ATXN2: variants seen among roughly 807,000 people sequenced by gnomAD.
ATXN2 encodes ataxin-2.
A neutral mutation model predicts 138.6 loss-of-function variants in ATXN2; 37 were observed. That is an observed-to-expected ratio of 0.27 (90% CI 0.21 to 0.35). The LOEUF (loss-of-function observed/expected upper bound fraction) is 0.35. Among genes scored for constraint, ATXN2 ranks in the 10% least tolerant of loss-of-function variants. The pLI is 1.00. For missense variants in ATXN2, 1,216 were observed against 1,480.3 expected (o/e 0.82, Z 2.93); for synonymous variants, 549 against 543.7 (o/e 1.01, Z -0.13).
chr12:111,525,459 G>A, intron 5 of ATXN2, 143 bp from the exon 6 acceptor site: 3 of 1,014,950 alleles, frequency 3.0e-6, no homozygotes, highest in Non-Finnish European at 4.0e-6. Flanking sequence ...AAATCTAACA[G>A]AAACATTTAT....
intron 8 of ATXN2, among the ~76,000 whole-genome samples, chr12:111,518,743 C>T (rs1879991910): frequency 6.6e-6 from 1 of 152,136 alleles, no homozygotes; most frequent in East Asian, 1.9e-4. Context: ...CCTTCACTTT[C>T]TCAATTTTAT....
chr12:111,587,056 A>G (rs1442102397), intron 1 of ATXN2, among the ~76,000 whole-genome samples: 2 of 142,228 alleles, frequency 1.4e-5, no homozygotes, highest in African/African-American at 5.3e-5. Flanking sequence ...GCAACATAAC[A>G]AGACCCCCAT....
At chr12:111,592,708 G>A (rs1223394368) in intron 1 of ATXN2, among the ~76,000 whole-genome samples, 6 of 139,730 alleles carry the variant, frequency 4.3e-5, no homozygotes, top group African/African-American at 1.3e-4. Flanking sequence ...ACTTGAACCC[G>A]GGAGGCAAAG....
intron 1 of ATXN2, among the ~76,000 whole-genome samples, chr12:111,570,160 A>G (rs570368440): frequency 6.6e-6 from 1 of 152,282 alleles, no homozygotes; most frequent in Admixed American, 6.5e-5. Context: ...CACGGCATTC[A>G]TATCACCTCT....
At chr12:111,569,728 C>T (rs1206170982) in intron 1 of ATXN2, among the ~76,000 whole-genome samples, 1 of 152,100 alleles carries the variant, frequency 6.6e-6, no homozygotes, top group African/African-American at 2.4e-5. Flanking sequence ...AACACCACCA[C>T]CACCACCACA....
intron 21 of ATXN2, among the ~76,000 whole-genome samples, chr12:111,463,961 A>AT (rs986766769): frequency 1.5e-4 from 23 of 151,914 alleles, no homozygotes; most frequent in African/African-American, 5.6e-4. Context: ...TGATTTTTGT[A>AT]TTTTTTAGTA....
intron 6 of ATXN2, 65 bp downstream of exon 6, chr12:111,525,127 T>C: frequency 6.6e-7 from 1 of 1,524,598 alleles, no homozygotes; most frequent in Non-Finnish European, 8.8e-7. Context: ...ACATTTAAAT[T>C]ACAACCAAGT....
intron 1 of ATXN2, among the ~76,000 whole-genome samples, chr12:111,582,441 CAA>C (rs375687566): frequency 1.3e-4 from 17 of 132,418 alleles, no homozygotes; most frequent in African/African-American, 1.8e-4. Context: ...GACGGTGTCT[CAA>C]AAAAAAAAAA....
At chr12:111,478,311 C>T (rs554279980) in intron 18 of ATXN2, among the ~76,000 whole-genome samples, 1 of 152,092 alleles carries the variant, frequency 6.6e-6, no homozygotes, top group East Asian at 1.9e-4. Context: ...GAGGCTAAGG[C>T]GTAAGAATTG....
intron 1 of ATXN2, among the ~76,000 whole-genome samples, chr12:111,587,073 CAA>C (rs374631048): frequency 5.9e-4 from 67 of 112,898 alleles, no homozygotes; most frequent in African/African-American, 2.0e-3. Flanking sequence ...CCATTTCTAC[CAA>C]AAAAAAAAAA....
chr12:111,496,440 G>A (rs1466008650), intron 14 of ATXN2, among the ~76,000 whole-genome samples: 1 of 152,044 alleles, frequency 6.6e-6, no homozygotes, highest in Non-Finnish European at 1.5e-5. Context: ...GGAGGCTGAG[G>A]CAGAAGAATC....
Position 111,478,164 on chromosome 12 carries a change from T to C in ATXN2, c.2524+7101A>G, listed in dbSNP as rs538924741. The stretch of plus-strand genomic sequence containing the variant: ...GCTCACACCTGTAATCTCAGCACTT[T>C]GGGAGGCCGAGGCAGGTAGATCACC... On this transcript the variant is annotated intron_variant, in intron 18 of 24. Coordinates refer to ENST00000673436, the MANE Select transcript of ATXN2 (RefSeq NM_001372574.1). Among the ~76,000 whole-genome samples the C allele has an allele frequency of 3.3e-5, 5 of 151,076 alleles. No individual in the cohort carries two copies. In the East Asian group the frequency reaches 1.0e-3, roughly 31 times the overall value.
At chr12:111,489,244 A>T (rs1410223596) in intron 14 of ATXN2, among the ~76,000 whole-genome samples, 1 of 152,186 alleles carries the variant, frequency 6.6e-6, no homozygotes, top group Admixed American at 6.5e-5. Flanking sequence ...TGGGATGGAG[A>T]ATAGTCTAAG....
intron 1 of ATXN2, among the ~76,000 whole-genome samples, chr12:111,596,218 AC>A (rs1403805904): frequency 2.2e-5 from 3 of 134,696 alleles, no homozygotes; most frequent in Non-Finnish European, 4.4e-5. Flanking sequence ...ACACACACAC[AC>A]ACACACACAC....
intron 5 of ATXN2, among the ~76,000 whole-genome samples, chr12:111,532,891 G>A (rs908108239): frequency 5.3e-5 from 8 of 151,172 alleles, no homozygotes; most frequent in Non-Finnish European, 1.2e-4. Flanking sequence ...ACTCTTCTGA[G>A]GCTCCAGCAA....
intron 14 of ATXN2, among the ~76,000 whole-genome samples, chr12:111,507,057 C>T (rs1257580226): frequency 3.9e-5 from 6 of 152,002 alleles, no homozygotes; most frequent in Admixed American, 3.3e-4. Context: ...CCCAAAGTGC[C>T]GAGATTGCAG....
intron 22 of ATXN2, among the ~76,000 whole-genome samples, 158 bp from the exon 23 acceptor site, chr12:111,456,414 C>A (rs942950537): frequency 1.6e-5 from 2 of 127,872 alleles, no homozygotes; most frequent in African/African-American, 3.9e-5. Flanking sequence ...GCTGGAGGTG[C>A]CTCCCATCTG....
chr12:111,488,915 T>A, intron 14 of ATXN2, 135 bp from the exon 15 acceptor site: 1 of 760,956 alleles, frequency 1.3e-6, no homozygotes, highest in Non-Finnish European at 2.0e-6. Context: ...ACTTTAAGAG[T>A]AATGCTTTTA....
chr12:111,588,191 A>T (rs1288611705), intron 1 of ATXN2, among the ~76,000 whole-genome samples: 1 of 144,144 alleles, frequency 6.9e-6, no homozygotes, highest in Non-Finnish European at 1.5e-5. Context: ...TATCACAAAA[A>T]TAAATAAATA....
Sources: gnomAD v4.1 joint callset for allele counts (sites outside exome capture counted in the v4.1 genomes callset) on GRCh38, gnomAD v4.1.1 for gene constraint, MANE v1.5 for transcripts, NCBI Gene and HGNC (gene_info 2026-07-23, HGNC 2026-07-21) for gene names.